AKAP19: variants seen among roughly 807,000 people sequenced by gnomAD.
AKAP19 encodes small A-kinase anchoring protein.
chr2:190,039,181 C>T, the AKAP19 span, among the ~76,000 whole-genome samples: 7 of 151,972 alleles, frequency 4.6e-5, no homozygotes, highest in African/African-American at 1.4e-4. Context: ...CAGGTTCAAG[C>T]GATTCTCCTG....
the AKAP19 span, among the ~76,000 whole-genome samples, chr2:190,013,676 T>C: frequency 4.6e-5 from 7 of 151,860 alleles, no homozygotes; most frequent in African/African-American, 1.7e-4. Flanking sequence ...CCACCATGCC[T>C]GGCTAATTTT....
chr2:189,958,930 T>C, the AKAP19 span, among the ~76,000 whole-genome samples: 1 of 152,174 alleles, frequency 6.6e-6, no homozygotes, highest in African/African-American at 2.4e-5. Context: ...CAACTGTATG[T>C]GGTACAGTTT....
chr2:190,144,014 A>C, the AKAP19 span, among the ~76,000 whole-genome samples: 2 of 93,954 alleles, frequency 2.1e-5, no homozygotes, highest in African/African-American at 7.9e-5. Context: ...CACTCTGGGG[A>C]CTGTGGTGGG....
chr2:189,899,516 A>T, the AKAP19 span, among the ~76,000 whole-genome samples: 1 of 152,208 alleles, frequency 6.6e-6, no homozygotes, highest in African/African-American at 2.4e-5. Context: ...ATGGTTGTTC[A>T]GCCTCCACTC....
the AKAP19 span, among the ~76,000 whole-genome samples, chr2:190,160,271 A>G: frequency 6.6e-6 from 1 of 152,164 alleles, no homozygotes; most frequent in East Asian, 1.9e-4. Context: ...ACATTGTTCT[A>G]ATATCCCCAA....
At chr2:190,034,079 T>C in the AKAP19 span, among the ~76,000 whole-genome samples, 1 of 147,070 alleles carries the variant, frequency 6.8e-6, no homozygotes, top group African/African-American at 2.5e-5. Context: ...GAACTTAAAG[T>C]ATAATAAAAA....
At chr2:190,082,255 A>G in the AKAP19 span, among the ~76,000 whole-genome samples, 1 of 152,192 alleles carries the variant, frequency 6.6e-6, no homozygotes, top group East Asian at 1.9e-4. Context: ...GACTTTTCCT[A>G]TAGCTTATTG....
the AKAP19 span, among the ~76,000 whole-genome samples, chr2:190,189,357 C>T: frequency 1.3e-5 from 2 of 152,152 alleles, no homozygotes; most frequent in Non-Finnish European, 2.9e-5. Flanking sequence ...GGAGTGACAG[C>T]TCCATTCTTA....
the AKAP19 span, among the ~76,000 whole-genome samples, chr2:189,917,990 C>G: frequency 6.6e-6 from 1 of 151,798 alleles, no homozygotes; most frequent in Admixed American, 6.6e-5. Flanking sequence ...AGAGGTTGCT[C>G]TATATATTAC....
chr2:189,898,478 G>A, the AKAP19 span, among the ~76,000 whole-genome samples: 2 of 151,868 alleles, frequency 1.3e-5, no homozygotes, highest in East Asian at 1.9e-4. Flanking sequence ...CACATTATTT[G>A]TACTGCATTT....
At chr2:190,002,545 T>C in the AKAP19 span, among the ~76,000 whole-genome samples, 1 of 151,852 alleles carries the variant, frequency 6.6e-6, no homozygotes, top group Admixed American at 6.6e-5. Flanking sequence ...AGTATAATAA[T>C]AATAAATTTA....
chr2:190,180,946 C>T, the AKAP19 span: 22 of 985,410 alleles, frequency 2.2e-5, no homozygotes, highest in South Asian at 4.7e-5. The surrounding 1 kb of genome is among the most constrained non-coding windows in gnomAD (Gnocchi z 6.8). Flanking sequence ...TGCCCCCGCC[C>T]GGCCTCAGCT....
At chr2:190,151,934 C>T in the AKAP19 span, among the ~76,000 whole-genome samples, 60 of 151,586 alleles carry the variant, frequency 4.0e-4, no homozygotes, top group African/African-American at 1.4e-3. Context: ...ATCTGGGAGG[C>T]GGAGGTTGCA....
the AKAP19 span, among the ~76,000 whole-genome samples, chr2:190,021,540 G>A: frequency 6.6e-6 from 1 of 152,320 alleles, no homozygotes; most frequent in East Asian, 1.9e-4. Flanking sequence ...TTGATTGCAA[G>A]GAGTGCAGTT....
chr2:190,150,731 G>GTCCTCCCAAGAGGAGA, the AKAP19 span, among the ~76,000 whole-genome samples: 4 of 150,430 alleles, frequency 2.7e-5, no homozygotes, highest in South Asian at 6.3e-4. Flanking sequence ...TATGATCTCT[G>GTCCTCCCAAGAGGAGA]TCCTCCCAAG....
the AKAP19 span, among the ~76,000 whole-genome samples, chr2:189,969,671 G>A: frequency 1.4e-5 from 2 of 147,276 alleles, no homozygotes; most frequent in Non-Finnish European, 3.0e-5. Context: ...AGAGGTTGTG[G>A]TGAGCCAAGA....
the AKAP19 span, among the ~76,000 whole-genome samples, chr2:190,124,666 A>G: frequency 6.6e-6 from 1 of 152,098 alleles, no homozygotes; most frequent in Non-Finnish European, 1.5e-5. Context: ...GCTATGATCA[A>G]ACCACTGCAC....
chr2:190,149,108 C>T, the AKAP19 span, among the ~76,000 whole-genome samples: 11 of 151,990 alleles, frequency 7.2e-5, no homozygotes, highest in Non-Finnish European at 1.6e-4. Context: ...GGATTACAGG[C>T]ATGTGCCACC....
chr2:189,997,016 G>A, the AKAP19 span, among the ~76,000 whole-genome samples: 2 of 152,192 alleles, frequency 1.3e-5, no homozygotes, highest in Non-Finnish European at 2.9e-5. Context: ...TGAAGTAGAC[G>A]GCAAGAGTCC....
Sources: gnomAD v4.1 joint callset for allele counts (sites outside exome capture counted in the v4.1 genomes callset) on GRCh38, gnomAD v4.1.1 for gene constraint, Gnocchi (gnomAD v3.1) non-coding constraint, MANE v1.5 for transcripts, NCBI Gene and HGNC (gene_info 2026-07-23, HGNC 2026-07-21) for gene names.